The following SELENON variants were observed in gnomAD, a reference collection of about 807,000 sequenced individuals.
The protein encoded by SELENON is selenoprotein N.
Under a neutral mutation model 59.5 loss-of-function variants are expected in SELENON, and 44 were observed. That is an observed-to-expected ratio of 0.74 (90% CI 0.58 to 0.95). SELENON has a LOEUF of 0.95. SELENON is among the 40% of genes least tolerant of loss of function. The probability of loss-of-function intolerance (pLI) is 0.00; values close to 1 mark genes in which losing one functional copy is unlikely to be tolerated. For synonymous variants in SELENON, 320 were observed against 305.6 expected (o/e 1.05, Z -0.49); for missense variants, 674 against 721.4 (o/e 0.93, Z 0.75).
At position 25,809,786 on chromosome 1, in the gene SELENON, G is replaced by A. The variant is rs764032922; in HGVS notation, c.976G>A (p.Val326Ile). 29 of 1,613,860 alleles carry A rather than the reference G, an allele frequency of 1.8e-5. No homozygotes were observed. Among genetic ancestry groups the A allele is most frequent in the South Asian group, 4.4e-5 (4 of 91,074 alleles). The change falls in exon 7 of 13, where the codon GTC (valine) becomes ATC (isoleucine). Residue 326 changes from valine to isoleucine, a missense_variant. Coordinates refer to ENST00000361547, the MANE Select transcript of SELENON (RefSeq NM_020451.3). The stretch of plus-strand genomic sequence containing the variant: ...CATCCTCTCCAAAGACGCCACCCAC[G>A]TCCGCGACTTCCGGCTCTTCGTGCC...
Position 25,809,050 on chromosome 1 carries a change from A to C in SELENON, c.772A>C (p.Met258Leu). Residue 258 changes from methionine to leucine, a missense_variant, in exon 6 of 13, where the codon ATG becomes CTG. By Grantham distance (15) the Met-to-Leu change is conservative. Coordinates refer to ENST00000361547, the MANE Select transcript of SELENON (RefSeq NM_020451.3). ...GGTCATCATCCACCGGCTCCTGAGC[A>C]TGTTCCACCCTCGGCCCTTTGTGAA... The C allele has an allele frequency of 6.2e-7, 1 of 1,613,774 alleles. No homozygotes were observed.
At position 25,804,898 on chromosome 1, in the gene SELENON, AG is replaced by A. The variant is rs547381085; in HGVS notation, c.404-243del. On this transcript the variant is annotated intron_variant, in intron 3 of 12. Transcript: ENST00000361547. ...ACCATCTAGCTATGTGACCTGGGGAAGTGACTTTACCTCTCTGAACACTTTC... is the reference window on the plus strand; with the variant it reads ...ACCATCTAGCTATGTGACCTGGGGAATGACTTTACCTCTCTGAACACTTTC... 4.6e-5 allele frequency among the ~76,000 whole-genome samples: 7 copies of A among 152,276 alleles called. No individual in the cohort carries two copies. The South Asian group carries it at 1.5e-3, about 32-fold the overall frequency.
At chr1:25,801,195 G>T (rs780963486) in intron 2 of SELENON, 35 bp downstream of exon 2, 1 of 1,551,682 alleles carries the variant, frequency 6.4e-7, no homozygotes, top group African/African-American at 1.4e-5. Context: ...GGAGGAGGGC[G>T]CCTTGGCCAA....
intron 7 of SELENON, among the ~76,000 whole-genome samples, chr1:25,810,572 C>T (rs1167233634): frequency 6.6e-6 from 1 of 152,210 alleles, no homozygotes; most frequent in East Asian, 1.9e-4. Flanking sequence ...GTGGGCAAGG[C>T]CCTGGCCCTC....
At chr1:25,804,053 G>A (rs1360741974) in intron 3 of SELENON, among the ~76,000 whole-genome samples, 1 of 152,242 alleles carries the variant, frequency 6.6e-6, no homozygotes, top group Non-Finnish European at 1.5e-5. Context: ...AATAAGCAAG[G>A]CTTACTAATA....
intron 9 of SELENON, among the ~76,000 whole-genome samples, chr1:25,812,118 A>G (rs543253882): frequency 1.4e-4 from 21 of 152,296 alleles, no homozygotes; most frequent in African/African-American, 5.1e-4. Flanking sequence ...GAGGCAGAGA[A>G]TCACTTGTGG....
Position 25,800,272 on chromosome 1 carries a change from C to T in SELENON, c.42C>T (p.Pro14=), listed in dbSNP as rs187960531. 4.6e-3 allele frequency: 4,513 copies of T among 971,178 alleles called. 160 individuals are homozygous for T. The African/African-American group carries it at 0.073, about 16-fold the overall frequency. The allele number at this position is 971,178 out of a possible 1,614,324, so 60.2% of individuals were successfully genotyped here. Residue 14 remains proline (P), a synonymous_variant, in exon 1 of 13, where the codon CCC becomes CCT. Coordinates refer to ENST00000361547, the MANE Select transcript of SELENON (RefSeq NM_020451.3). ...CGGGCCAACGCGGGCCGCCCAGCCC[C>T]GGCCCCGCCGCGCAGCCTCCCGCGC...
chr1:25,809,425 G>C (rs938027845), intron 6 of SELENON, among the ~76,000 whole-genome samples: 1 of 152,242 alleles, frequency 6.6e-6, no homozygotes, highest in Non-Finnish European at 1.5e-5. Context: ...ACAGAAGTGG[G>C]AAGGACACCC....
At chr1:25,812,888 T>C in intron 10 of SELENON, 96 bp downstream of exon 9, 1 of 974,120 alleles carries the variant, frequency 1.0e-6, no homozygotes, top group East Asian at 2.6e-5. Context: ...TTCTGTTGAG[T>C]TGTGAGGGCC....
intron 3 of SELENON, among the ~76,000 whole-genome samples, 194 bp from the exon 3 acceptor site, chr1:25,804,948 A>G (rs1470431395): frequency 1.3e-5 from 2 of 152,038 alleles, no homozygotes; most frequent in Admixed American, 6.5e-5. Flanking sequence ...GGAGTTGGTA[A>G]TGTTATTATC....
Position 25,802,073 on chromosome 1 carries a change from C to A in SELENON, c.359C>A (p.Pro120His). The A allele has an allele frequency of 3.2e-6, 1 of 308,210 alleles. No homozygotes were observed. The highest frequency in any genetic ancestry group is 3.4e-5 in the Admixed American group (1 of 29,766). The allele number at this position is 308,210 out of a possible 1,614,324, so 19.1% of individuals were successfully genotyped here. A position where few individuals can be genotyped will look rare whatever the true frequency, so the allele number is the denominator to read the frequency against. ...TGGTGCAGTCACAGCTCACTGCAGC[C>A]TCAACTTCCCTGGCTCAATTGATCC... The change falls in exon 3 of 13, where the codon CCT becomes CAT. Residue 120 changes from proline to histidine, a missense_variant. Transcript: ENST00000361547.
chr1:25,806,217 C>A (rs1388710545), intron 4 of SELENON, among the ~76,000 whole-genome samples: 3 of 152,252 alleles, frequency 2.0e-5, no homozygotes, highest in Non-Finnish European at 2.9e-5. Flanking sequence ...AGGACCCACA[C>A]AGGGGCATCC....
In SELENON at chr1:25,815,879, T is replaced by C. The variant is rs2048006860; in HGVS notation, c.*161T>C. On this transcript the variant is annotated 3_prime_UTR_variant, in exon 13 of 13. Coordinates refer to ENST00000361547, the MANE Select transcript of SELENON (RefSeq NM_020451.3). ...GGTGGCCACCACAGCCTTGGCTCCA[T>C]GGTGGCGGGTAGACAAGGGATGCCT... The C allele has an allele frequency of 7.3e-6, 5 of 685,766 alleles. No individual in the cohort carries two copies. Among genetic ancestry groups the C allele is most frequent in the Non-Finnish European group, 1.2e-5 (5 of 407,168 alleles). 42.5% of individuals were successfully genotyped at this position (685,766 alleles called of 1,614,324 possible). A position where few individuals can be genotyped will look rare whatever the true frequency, so the allele number is the denominator to read the frequency against.
intron 6 of SELENON, among the ~76,000 whole-genome samples, 194 bp downstream of exon 5, chr1:25,809,344 G>T (rs546638302): frequency 1.3e-5 from 2 of 152,232 alleles, no homozygotes; most frequent in Non-Finnish European, 2.9e-5. Context: ...CGTAAGGCAC[G>T]TGAGGGTTCA....
At chr1:25,808,507 TCCAC>T in intron 4 of SELENON, 69 bp from the exon 4 acceptor site, 3 of 1,571,250 alleles carry the variant, frequency 1.9e-6, no homozygotes, top group Non-Finnish European at 2.6e-6. Context: ...GAGGGAGACC[TCCAC>T]CCACATGGTA....
At chr1:25,804,341 T>G (rs978672113) in intron 3 of SELENON, among the ~76,000 whole-genome samples, 1 of 152,174 alleles carries the variant, frequency 6.6e-6, no homozygotes, top group Non-Finnish European at 1.5e-5. Context: ...TAATGCATCA[T>G]TCAGCCTGCT....
At chr1:25,806,132 A>G (rs2047903620) in intron 4 of SELENON, among the ~76,000 whole-genome samples, 1 of 152,216 alleles carries the variant, frequency 6.6e-6, no homozygotes, top group South Asian at 2.1e-4. Flanking sequence ...CAGCACGAAC[A>G]GAGGCCTGAA....
chr1:25,812,885 G>A, intron 10 of SELENON, 93 bp downstream of exon 9: 1 of 981,994 alleles, frequency 1.0e-6, no homozygotes, highest in Non-Finnish European at 1.6e-6. Flanking sequence ...CTCTTCTGTT[G>A]AGTTGTGAGG....
chr1:25,813,970 G>A lies in SELENON; in HGVS notation c.1477G>A (p.Val493Met), dbSNP rs1465319326. The A allele has an allele frequency of 6.2e-7, 1 of 1,614,146 alleles. No individual in the cohort carries two copies. Among genetic ancestry groups the A allele is most frequent in the Non-Finnish European group, 8.5e-7 (1 of 1,179,986 alleles). Residue 493 changes from valine (V) to methionine (M), a missense_variant, in exon 11 of 13, where the codon GTG (valine) becomes ATG (methionine). Transcript: ENST00000361547. ...GAGCTTCATCAGCACCTGGTCCCTG[G>A]TGAAGGAGCTGGAGGAACTGCAGGT... is the stretch of plus-strand genomic sequence containing the variant.
Sources: gnomAD v4.1 joint callset for allele counts (sites outside exome capture counted in the v4.1 genomes callset) on GRCh38, gnomAD v4.1.1 for gene constraint, MANE v1.5 for transcripts, NCBI Gene and HGNC (gene_info 2026-07-23, HGNC 2026-07-21) for gene names.